The following GPC5 variants were observed in gnomAD, a reference collection of about 807,000 sequenced individuals.
GPC5 encodes glypican 5.
A neutral mutation model predicts 53.9 loss-of-function variants in GPC5; 47 were observed. That is an observed-to-expected ratio of 0.87 (90% CI 0.69 to 1.11). The LOEUF (loss-of-function observed/expected upper bound fraction) is 1.11. GPC5 is among the 50% of genes most tolerant of loss of function. GPC5 has a pLI of 0.00. For missense variants in GPC5, 748 were observed against 713.1 expected (o/e 1.05, Z -0.56); for synonymous variants, 286 against 263.3 (o/e 1.09, Z -0.84).
chr13:91,399,260 T>G (rs900434963), intron 1 of GPC5, 51 bp downstream of exon 1: 1 of 1,580,266 alleles, frequency 6.3e-7, no homozygotes, highest in Non-Finnish European at 8.6e-7. Context: ...AGCCCGGCCT[T>G]CGCTCCCCCA....
intron 2 of GPC5, among the ~76,000 whole-genome samples, chr13:91,460,980 A>T (rs1881894313): frequency 6.6e-6 from 1 of 152,188 alleles, no homozygotes; most frequent in South Asian, 2.1e-4. Flanking sequence ...TTATCATAAA[A>T]TATATGTAGC....
At chr13:92,441,761 T>C (rs1268463000) in intron 7 of GPC5, among the ~76,000 whole-genome samples, 3 of 152,184 alleles carry the variant, frequency 2.0e-5, no homozygotes, top group African/African-American at 7.2e-5. Context: ...CCTACTTGCC[T>C]AGAACAGTTT....
At chr13:92,091,053 G>T (rs973453297) in intron 6 of GPC5, among the ~76,000 whole-genome samples, 1 of 152,108 alleles carries the variant, frequency 6.6e-6, no homozygotes, top group Non-Finnish European at 1.5e-5. Context: ...ACCTTGTTTT[G>T]GACTTCCCAG....
intron 7 of GPC5, among the ~76,000 whole-genome samples, chr13:92,394,076 G>A (rs1875146597): frequency 6.6e-6 from 1 of 152,060 alleles, no homozygotes; most frequent in African/African-American, 2.4e-5. Flanking sequence ...GTTACTTCCT[G>A]AAGAGAGTTT....
intron 7 of GPC5, among the ~76,000 whole-genome samples, chr13:92,224,906 T>C (rs922149921): frequency 6.6e-6 from 1 of 152,218 alleles, no homozygotes; most frequent in Non-Finnish European, 1.5e-5. Flanking sequence ...GTTGCAGTAA[T>C]ATATCATCAC....
chr13:92,586,048 T>C (rs1883528487), intron 7 of GPC5, among the ~76,000 whole-genome samples: 1 of 152,226 alleles, frequency 6.6e-6, no homozygotes, highest in Non-Finnish European at 1.5e-5. Flanking sequence ...GCTTAGTTTA[T>C]ATGCTGATGC....
chr13:91,476,405 G>A (rs1468614107), intron 2 of GPC5, among the ~76,000 whole-genome samples: 3 of 152,128 alleles, frequency 2.0e-5, no homozygotes, highest in Non-Finnish European at 2.9e-5. Flanking sequence ...AATAACAACG[G>A]ATTTGAGATT....
chr13:92,004,309 G>T (rs1014700737), intron 6 of GPC5, among the ~76,000 whole-genome samples: 5 of 151,014 alleles, frequency 3.3e-5, no homozygotes, highest in African/African-American at 9.7e-5. Flanking sequence ...ACTGGATGTG[G>T]TGACGTGCGC....
At chr13:92,098,073 T>C (rs963848296) in intron 6 of GPC5, among the ~76,000 whole-genome samples, 1 of 152,196 alleles carries the variant, frequency 6.6e-6, no homozygotes, top group South Asian at 2.1e-4. Context: ...GAAACTCATG[T>C]CACCAGGGTT....
intron 5 of GPC5, among the ~76,000 whole-genome samples, chr13:91,801,740 T>A (rs1437987435): frequency 6.6e-6 from 1 of 152,212 alleles, no homozygotes; most frequent in Non-Finnish European, 1.5e-5. Context: ...GGAATATTAT[T>A]GTTATCACTA....
intron 7 of GPC5, chr13:92,448,185 TA>T (rs1355171657): frequency 6.6e-6 from 1 of 152,112 alleles, no homozygotes; most frequent in Non-Finnish European, 1.5e-5. Context: ...ATTTTAAGAT[TA>T]AAAAAGTGAA....
intron 2 of GPC5, among the ~76,000 whole-genome samples, chr13:91,659,514 T>C (rs1259435982): frequency 6.6e-6 from 1 of 152,206 alleles, no homozygotes; most frequent in African/African-American, 2.4e-5. Context: ...AAAATGTGCC[T>C]ATGAATATTC....
chr13:92,351,451 A>G (rs895452676), intron 7 of GPC5, among the ~76,000 whole-genome samples: 1 of 151,974 alleles, frequency 6.6e-6, no homozygotes, highest in Admixed American at 6.6e-5. Flanking sequence ...ACAGAAACAA[A>G]GTTATGAAGT....
At chr13:91,967,361 C>T (rs1262526072) in intron 6 of GPC5, among the ~76,000 whole-genome samples, 1 of 152,008 alleles carries the variant, frequency 6.6e-6, no homozygotes, top group Non-Finnish European at 1.5e-5. Flanking sequence ...ACATATTTAT[C>T]TTGATCATTT....
intron 7 of GPC5, among the ~76,000 whole-genome samples, chr13:92,254,186 C>T (rs181168157): frequency 3.9e-5 from 6 of 152,174 alleles, no homozygotes; most frequent in Admixed American, 3.9e-4. Flanking sequence ...AGTTGGGTTT[C>T]CCCATTGGAT....
At chr13:92,136,400 G>A (rs1191570786) in intron 6 of GPC5, among the ~76,000 whole-genome samples, 1 of 151,806 alleles carries the variant, frequency 6.6e-6, no homozygotes, top group East Asian at 1.9e-4. Context: ...ATTTAAAGAT[G>A]GTTTATCAAT....
At chr13:91,723,300 G>T (rs1261698513) in intron 3 of GPC5, among the ~76,000 whole-genome samples, 1 of 151,354 alleles carries the variant, frequency 6.6e-6, no homozygotes, top group African/African-American at 2.4e-5. Flanking sequence ...TTTTCCTTCT[G>T]CCATTTACAT....
chr13:91,663,890 C>T (rs563179711), intron 2 of GPC5, among the ~76,000 whole-genome samples: 68 of 152,168 alleles, frequency 4.5e-4, no homozygotes, highest in African/African-American at 1.3e-3. Context: ...TTTCCCAGGC[C>T]GGCCTTGCAC....
intron 7 of GPC5, among the ~76,000 whole-genome samples, chr13:92,516,003 T>G (rs1880761643): frequency 6.6e-6 from 1 of 152,208 alleles, no homozygotes. Flanking sequence ...GATATTACTA[T>G]TAAATCATAT....
Sources: allele counts gnomAD v4.1 joint callset (sites outside exome capture counted in the v4.1 genomes callset), GRCh38; gene constraint gnomAD v4.1.1; transcripts MANE v1.5; gene names NCBI Gene and HGNC (gene_info 2026-07-23, HGNC 2026-07-21).